The following SGCZ variants were observed in gnomAD, a reference collection of about 807,000 sequenced individuals.
The protein encoded by SGCZ is zeta-sarcoglycan.
In SGCZ, 40 loss-of-function variants were observed where a neutral mutation model predicts 41.3. That is an observed-to-expected ratio of 0.97 (90% CI 0.75 to 1.26). SGCZ has a LOEUF of 1.26. Ranked by LOEUF, SGCZ falls within the 50% of genes most tolerant of loss-of-function variation. The pLI is 0.00. For synonymous variants in SGCZ, 206 were observed against 137.5 expected, an observed-to-expected ratio of 1.50 and a Z score of -3.49; for missense variants, 552 against 369.8, an observed-to-expected ratio of 1.49 and a Z score of -4.04.
At chr8:15,043,197 T>C (rs779157540) in intron 1 of SGCZ, among the ~76,000 whole-genome samples, 17 of 152,188 alleles carry the variant, frequency 1.1e-4, no homozygotes, top group Non-Finnish European at 2.1e-4. Flanking sequence ...AATCAGCTAG[T>C]AAAATAAGCA....
chr8:14,749,132 A>T (rs1799424201), intron 1 of SGCZ, among the ~76,000 whole-genome samples: 1 of 152,270 alleles, frequency 6.6e-6, no homozygotes, highest in South Asian at 2.1e-4. Context: ...TTTTCAAAAA[A>T]ATGCTCATCC....
chr8:14,816,634 T>C (rs1196461721), intron 1 of SGCZ, among the ~76,000 whole-genome samples: 1 of 150,412 alleles, frequency 6.6e-6, no homozygotes, highest in African/African-American at 2.5e-5. Context: ...GTTCAGTTGT[T>C]GGACTCTGAG....
chr8:14,205,303 T>C (rs1186346440), intron 4 of SGCZ, among the ~76,000 whole-genome samples: 1 of 152,158 alleles, frequency 6.6e-6, no homozygotes, highest in African/African-American at 2.4e-5. Context: ...TTAGGCAATG[T>C]TCTCTAGGGT....
rs957539783 is a variant in SGCZ, at chr8:14,089,092, G to T, written c.*1351C>A. 1.3e-5 allele frequency among the ~76,000 whole-genome samples: 2 copies of T among 151,960 alleles called. No homozygotes were observed. The highest frequency in any genetic ancestry group is 2.9e-5 in the Non-Finnish European group (2 of 67,932). ...AAGTTTCAAGAGTTTGAGTTAAGGG[G>T]TGCTGTGATAAATGAATATTCAGTA... On this transcript the variant is annotated 3_prime_UTR_variant, in exon 8 of 8. Transcript: ENST00000382080.
At chr8:14,601,444 G>A (rs1585115290) in intron 1 of SGCZ, among the ~76,000 whole-genome samples, 1 of 149,046 alleles carries the variant, frequency 6.7e-6, no homozygotes, top group African/African-American at 2.4e-5. Flanking sequence ...GTTTCTTGAA[G>A]TTGGTTCCTT....
chr8:15,160,578 A>AT (rs768521005), intron 1 of SGCZ, among the ~76,000 whole-genome samples: 3 of 151,822 alleles, frequency 2.0e-5, no homozygotes, highest in Non-Finnish European at 4.4e-5. Context: ...TATATTCAAC[A>AT]TTTTTTTTCG....
Position 14,659,479 on chromosome 8 carries a change from A to T in SGCZ, c.40-104553T>A, listed in dbSNP as rs192572564. ...TATGATACAACAACACGATCTGTAA[A>T]GTATTTGTTAATAATAAAACAAGGA... On this transcript the variant is annotated intron_variant, in intron 1 of 7. Coordinates refer to ENST00000382080, the MANE Select transcript of SGCZ (RefSeq NM_139167.4). Among the ~76,000 whole-genome samples the T allele has an allele frequency of 2.2e-3, 332 of 152,310 alleles. 3 individuals carry two copies. The highest frequency in any genetic ancestry group is 7.7e-3 in the African/African-American group (322 of 41,578).
chr8:14,149,954 G>A (rs1444802046), intron 5 of SGCZ, among the ~76,000 whole-genome samples: 1 of 152,048 alleles, frequency 6.6e-6, no homozygotes, highest in East Asian at 1.9e-4. Context: ...AATGGCATTG[G>A]GATAACTGGA....
Position 14,535,324 on chromosome 8 carries a change from A to AT in SGCZ, c.234+19407_234+19408insA, listed in dbSNP as rs1326836944. 7.2e-5 allele frequency among the ~76,000 whole-genome samples: 11 copies of AT among 151,746 alleles called. No homozygotes were observed. In the East Asian group the frequency reaches 1.8e-3, roughly 24 times the overall value. On this transcript the variant is annotated intron_variant, in intron 2 of 7. Coordinates refer to ENST00000382080, the MANE Select transcript of SGCZ (RefSeq NM_139167.4). ...TATTTCCATGAACAGGAAAAAAAAA[A>AT]GTCTGCTTGCTTTCTCCTAAAAACT...
intron 1 of SGCZ, among the ~76,000 whole-genome samples, chr8:14,895,156 T>C (rs1460024574): frequency 6.6e-6 from 1 of 152,192 alleles, no homozygotes; most frequent in East Asian, 1.9e-4. Flanking sequence ...AATCGTTTAG[T>C]AAGTTAATAA....
At chr8:15,226,973 A>G (rs535105558) in intron 1 of SGCZ, among the ~76,000 whole-genome samples, 1 of 152,314 alleles carries the variant, frequency 6.6e-6, no homozygotes, top group African/African-American at 2.4e-5. Context: ...GACGAAGAAC[A>G]TACGACAGGA....
chr8:14,923,786 A>G (rs965376119), intron 1 of SGCZ, among the ~76,000 whole-genome samples: 4 of 152,198 alleles, frequency 2.6e-5, no homozygotes, highest in Admixed American at 6.5e-5. Context: ...GTATTTTATA[A>G]TCATCAGTAC....
At chr8:14,505,699 T>G (rs1012424442) in intron 2 of SGCZ, among the ~76,000 whole-genome samples, 2 of 152,190 alleles carry the variant, frequency 1.3e-5, no homozygotes, top group African/African-American at 2.4e-5. Context: ...ACCACTGTGT[T>G]AGGAAATCAC....
At chr8:15,114,493 A>T (rs910434633) in intron 1 of SGCZ, among the ~76,000 whole-genome samples, 8 of 152,238 alleles carry the variant, frequency 5.3e-5, no homozygotes, top group Admixed American at 1.3e-4. Flanking sequence ...GTTCAAAAAG[A>T]AAGTATGATA....
At chr8:14,589,619 A>G (rs570370903) in intron 1 of SGCZ, among the ~76,000 whole-genome samples, 1 of 152,260 alleles carries the variant, frequency 6.6e-6, no homozygotes, top group South Asian at 2.1e-4. Context: ...AAGTATGACT[A>G]ATCTAAACTT....
At chr8:14,190,349 T>C (rs565292322) in intron 4 of SGCZ, among the ~76,000 whole-genome samples, 14 of 151,730 alleles carry the variant, frequency 9.2e-5, no homozygotes, top group African/African-American at 3.4e-4. Context: ...TAATATCCCA[T>C]TATGTATGTA....
At chr8:14,132,839 G>C (rs1270890811) in intron 5 of SGCZ, among the ~76,000 whole-genome samples, 2 of 152,146 alleles carry the variant, frequency 1.3e-5, no homozygotes, top group East Asian at 3.9e-4. Context: ...GCTGGTTTTT[G>C]TTGTTGTTGA....
At chr8:14,551,479 AT>A (rs1324913066) in intron 2 of SGCZ, among the ~76,000 whole-genome samples, 749 of 6,204 alleles carry the variant, frequency 0.12, 55 homozygotes, top group Admixed American at 0.18. Context: ...TATATTATAT[AT>A]TATATATATT....
intron 2 of SGCZ, among the ~76,000 whole-genome samples, chr8:14,427,892 A>G (rs988317694): frequency 2.0e-5 from 3 of 152,190 alleles, no homozygotes; most frequent in African/African-American, 4.8e-5. Context: ...TAATGCATTA[A>G]AAAACAGTAC....
Sources: gnomAD v4.1 joint callset for allele counts (sites outside exome capture counted in the v4.1 genomes callset) on GRCh38, gnomAD v4.1.1 for gene constraint, MANE v1.5 for transcripts, NCBI Gene and HGNC (gene_info 2026-07-23, HGNC 2026-07-21) for gene names.